Variants in FSTL4 observed in about 807,000 individuals in gnomAD.
FSTL4 encodes the protein follistatin-related protein 4.
FSTL4 carries 28 observed loss-of-function variants against 78.2 expected under a neutral mutation model. The ratio of observed to expected loss-of-function variants is 0.36; its 90% confidence interval spans 0.27 to 0.49. The LOEUF is 0.49. Ranked by LOEUF, FSTL4 falls within the 20% of genes least tolerant of loss-of-function variation. FSTL4 has a pLI of 0.98. For synonymous variants in FSTL4, 422 were observed against 440.5 expected (o/e 0.96, Z 0.53); for missense variants, 922 against 1,084.9 (o/e 0.85, Z 2.11).
chr5:133,370,966 CTGGGT>C (rs1755285272), intron 4 of FSTL4, among the ~76,000 whole-genome samples: 1 of 152,302 alleles, frequency 6.6e-6, no homozygotes, highest in Non-Finnish European at 1.5e-5. Context: ...TGGCTGCAAA[CTGGGT>C]TCCCAGCACA....
chr5:133,375,317 A>G (rs1400822934), intron 4 of FSTL4, among the ~76,000 whole-genome samples: 1 of 33,936 alleles, frequency 2.9e-5, no homozygotes, highest in African/African-American at 6.7e-5. Flanking sequence ...TATATAAAAG[A>G]CTCTAAAGTT....
chr5:133,748,461 C>T, the FSTL4 span, among the ~76,000 whole-genome samples: 3 of 151,994 alleles, frequency 2.0e-5, no homozygotes, highest in Non-Finnish European at 4.4e-5. Flanking sequence ...ATCCCAGCTA[C>T]TCTGGAGGCT....
chr5:133,552,941 C>T (rs1354893913), intron 3 of FSTL4, among the ~76,000 whole-genome samples: 1 of 152,204 alleles, frequency 6.6e-6, no homozygotes, highest in Non-Finnish European at 1.5e-5. Context: ...TTTCTGGACA[C>T]TTGCACATGG....
chr5:133,781,754 G>A, the FSTL4 span, among the ~76,000 whole-genome samples: 2 of 152,196 alleles, frequency 1.3e-5, no homozygotes, highest in Non-Finnish European at 2.9e-5. Flanking sequence ...TCCCAGCTGA[G>A]CTTGCCAACA....
In FSTL4 at chr5:133,370,096, C is replaced by T. The variant is rs1369353177; in HGVS notation, c.409+30642G>A. Among the ~76,000 whole-genome samples, 5 of 152,296 alleles carry T rather than the reference C, an allele frequency of 3.3e-5. No individual in the cohort carries two copies. The South Asian group carries it at 6.2e-4, about 19-fold the overall frequency. On this transcript the variant is annotated intron_variant, in intron 4 of 15. Transcript: ENST00000265342. The stretch of plus-strand genomic sequence containing the variant: ...CCACCCAGCTCTTACTGTTCTAGCT[C>T]CTTTGAACTGTCACCGTGCATGTGG...
At chr5:133,605,128 C>G (rs1195111926) in intron 1 of FSTL4, among the ~76,000 whole-genome samples, 1 of 152,194 alleles carries the variant, frequency 6.6e-6, no homozygotes, top group Non-Finnish European at 1.5e-5. Flanking sequence ...ACTGTGAACA[C>G]AGTCCAACCA....
At chr5:133,374,783 C>T (rs1432787961) in intron 4 of FSTL4, among the ~76,000 whole-genome samples, 3 of 152,082 alleles carry the variant, frequency 2.0e-5, no homozygotes, top group African/African-American at 4.8e-5. Context: ...ATCTGCAAAC[C>T]AGGAAGAGGA....
At chr5:133,288,817 G>C (rs1356029997) in intron 6 of FSTL4, among the ~76,000 whole-genome samples, 1 of 152,124 alleles carries the variant, frequency 6.6e-6, no homozygotes, top group Non-Finnish European at 1.5e-5. Context: ...GGGGCATCTG[G>C]GGACTAAGCA....
the FSTL4 span, among the ~76,000 whole-genome samples, chr5:133,658,933 T>C: frequency 0.2 from 29,707 of 152,076 alleles, 3,009 homozygotes; most frequent in Middle Eastern, 0.41. Context: ...ACATATAGGG[T>C]TTTAACATTT....
At chr5:133,647,656 A>G in the FSTL4 span, among the ~76,000 whole-genome samples, 2 of 152,234 alleles carry the variant, frequency 1.3e-5, no homozygotes, top group African/African-American at 4.8e-5. Flanking sequence ...GCCTCAAGCC[A>G]TAAGCTAAAG....
intron 7 of FSTL4, among the ~76,000 whole-genome samples, chr5:133,241,574 G>A (rs1751875197): frequency 6.6e-6 from 1 of 152,204 alleles, no homozygotes; most frequent in South Asian, 2.1e-4. Flanking sequence ...AGAGTGTTAT[G>A]TAGTAGGGGT....
intron 10 of FSTL4, 113 bp from the exon 11 acceptor site, chr5:133,224,329 G>C: frequency 2.7e-6 from 2 of 754,596 alleles, no homozygotes; most frequent in Non-Finnish European, 4.6e-6. Flanking sequence ...CTGGTACCTA[G>C]TCCATCACTT....
At chr5:133,490,089 G>C (rs1253144337) in intron 3 of FSTL4, among the ~76,000 whole-genome samples, 3 of 151,106 alleles carry the variant, frequency 2.0e-5, no homozygotes, top group African/African-American at 7.3e-5. Context: ...ACCTGCTCTG[G>C]TTTACATGTA....
chr5:133,733,984 T>C, the FSTL4 span, among the ~76,000 whole-genome samples: 406 of 152,320 alleles, frequency 2.7e-3, 6 homozygotes, highest in African/African-American at 9.1e-3. Flanking sequence ...CCTAATAACA[T>C]GGCAACTGGG....
At chr5:133,230,276 A>G (rs551300439) in intron 8 of FSTL4, among the ~76,000 whole-genome samples, 1 of 152,286 alleles carries the variant, frequency 6.6e-6, no homozygotes, top group Admixed American at 6.5e-5. Context: ...CCAGCGTCTG[A>G]TTCCTAAGAT....
intron 4 of FSTL4, among the ~76,000 whole-genome samples, chr5:133,364,426 G>A (rs867280229): frequency 1.1e-4 from 16 of 152,232 alleles, no homozygotes; most frequent in Admixed American, 1.0e-3. Flanking sequence ...CGCAAAGGAG[G>A]AATTGGCAGG....
intron 6 of FSTL4, among the ~76,000 whole-genome samples, chr5:133,285,209 T>C (rs1425992527): frequency 6.6e-6 from 1 of 152,178 alleles, no homozygotes. Flanking sequence ...AGGGCACTGT[T>C]TGAAAGAAGA....
In FSTL4 at chr5:133,598,407, C is replaced by T. The variant is rs76509528; in HGVS notation, c.126+5451G>A. On this transcript the variant is annotated intron_variant, in intron 2 of 15. Transcript: ENST00000265342. ...CACATTGCATCTCAAGAGGTGCTGG[C>T]ACAGGTTACAGCACACCCCATTCTG... Among the ~76,000 whole-genome samples the T allele has an allele frequency of 3.3e-3, 492 of 150,884 alleles. 10 individuals are homozygous for T. Among genetic ancestry groups the T allele is most frequent in the African/African-American group, 0.012 (484 of 40,734 alleles).
At chr5:133,801,552 A>G in the FSTL4 span, among the ~76,000 whole-genome samples, 12 of 152,348 alleles carry the variant, frequency 7.9e-5, no homozygotes, top group African/African-American at 2.6e-4. Context: ...TCACCTGCAC[A>G]ACAGCCTAGC....
Sources: gnomAD v4.1 joint callset for allele counts (sites outside exome capture counted in the v4.1 genomes callset) on GRCh38, gnomAD v4.1.1 for gene constraint, MANE v1.5 for transcripts, NCBI Gene and HGNC (gene_info 2026-07-23, HGNC 2026-07-21) for gene names.